Variants in PITPNM1 observed in about 807,000 individuals in gnomAD.
PITPNM1 encodes the protein membrane-associated phosphatidylinositol transfer protein 1.
PITPNM1 carries 74 observed loss-of-function variants against 133.3 expected under a neutral mutation model. The observed-to-expected ratio is 0.56, with a 90% confidence interval of 0.46 to 0.67. The LOEUF (loss-of-function observed/expected upper bound fraction) is 0.67. Ranked by LOEUF, PITPNM1 falls within the 30% of genes least tolerant of loss-of-function variation. The pLI is 0.00. For synonymous variants in PITPNM1, 738 were observed against 741.4 expected, an observed-to-expected ratio of 1.00 and a Z score of 0.08; for missense variants, 1,398 against 1,739.5, an observed-to-expected ratio of 0.80 and a Z score of 3.49.
chr11:67,501,313 G>A (rs534544246), intron 5 of PITPNM1, among the ~76,000 whole-genome samples: 3 of 152,346 alleles, frequency 2.0e-5, no homozygotes, highest in South Asian at 2.1e-4. Context: ...AAGCCAGGCC[G>A]CTGGTCTCTC....
At position 67,497,316 on chromosome 11, in the gene PITPNM1, G is replaced by A. The variant is rs1287867181; in HGVS notation, c.2061C>T (p.Asp687=). Residue 687 remains aspartate, a synonymous_variant, in exon 14 of 24, where the codon GAC becomes GAT. Transcript: ENST00000356404. ...AGAGGAAGAAGCCAGAGACCTTGAAGTCAAGGCGGGCAGTGCTGCTGGGGC... is the reference window on the plus strand; with the variant it reads ...AGAGGAAGAAGCCAGAGACCTTGAAATCAAGGCGGGCAGTGCTGCTGGGGC... ...PDGPSSTARL[D]FKVSGFFLFG... is the part of the protein sequence containing the mutation. 6.2e-7 allele frequency: 1 copy of A among 1,612,296 alleles called. No individual in the cohort carries two copies. The highest frequency in any genetic ancestry group is 8.5e-7 in the Non-Finnish European group (1 of 1,179,508).
chr11:67,493,485 G>A lies in PITPNM1; in HGVS notation c.3267C>T (p.Val1089=), dbSNP rs1866003817. 6.2e-7 allele frequency: 1 copy of A among 1,603,200 alleles called. No individual in the cohort carries two copies. The highest frequency in any genetic ancestry group is 8.5e-7 in the Non-Finnish European group (1 of 1,175,486). The change falls in exon 22 of 24, where the codon GTC becomes GTT. Residue 1089 remains valine, a synonymous_variant. Coordinates refer to ENST00000356404, the MANE Select transcript of PITPNM1 (RefSeq NM_004910.3). ...WLSQHNFPHG[V]VSFCDGLTHD... ...GGGTGAGGCCGTCGCAGAAGGAGAC[G>A]ACGCCGTGGGGGAAGTTGTGCTGCG...
Position 67,495,216 on chromosome 11 carries a change from C to T in PITPNM1, c.2492G>A (p.Arg831His), listed in dbSNP as rs201293394. Reference sequence around the variant, plus strand: ...GTCGATCCGCTTGGTCCCCCACCAGCGCTCCAGGACTGCGCGGCCATGGCA... The same window carrying T: ...GTCGATCCGCTTGGTCCCCCACCAGTGCTCCAGGACTGCGCGGCCATGGCA... ...TTSEVVKILERWWGTKRIDYS... is the reference protein window; with the variant it reads ...TTSEVVKILEHWWGTKRIDYS... Residue 831 changes from arginine (R) to histidine (H), a missense_variant, in exon 17 of 24, where the codon CGC (arginine) becomes CAC (histidine). Arg to His is a conservative substitution (Grantham distance 29, BLOSUM62 0). Around this residue, in one of 5 missense-constraint regions of PITPNM1, gnomAD observed 574 missense variants for 698.7 expected, o/e 0.82. Transcript: ENST00000356404. The T allele has an allele frequency of 5.0e-6, 8 of 1,590,702 alleles. No individual in the cohort carries two copies. The South Asian group carries it at 5.5e-5, about 11-fold the overall frequency.
intron 5 of PITPNM1, among the ~76,000 whole-genome samples, chr11:67,500,702 T>C (rs1283764533): frequency 6.6e-6 from 1 of 152,256 alleles, no homozygotes; most frequent in Non-Finnish European, 1.5e-5. Flanking sequence ...GACCAATGCT[T>C]GTTCTTGCTT....
intron 22 of PITPNM1, 111 bp from the exon 23 acceptor site, chr11:67,493,173 G>A (rs1393681944): frequency 7.5e-7 from 1 of 1,337,142 alleles, no homozygotes; most frequent in East Asian, 2.3e-5. Flanking sequence ...GCAGACGGAG[G>A]CGAAGACAGG....
rs1443714610 is a variant in PITPNM1, at chr11:67,497,521, C to T, written c.1940+1G>A. 6.2e-7 allele frequency: 1 copy of T among 1,606,766 alleles called. No homozygotes were observed. The highest frequency in any genetic ancestry group is 8.5e-7 in the Non-Finnish European group (1 of 1,177,578). ...TAGGGGTGATGGGGCAGGGACGTCA[C>T]CTGTTCTGAGAGCCCTCGGGCTCAG... On this transcript the variant is annotated splice_donor_variant, in intron 13 of 23. Transcript: ENST00000356404. LOFTEE classifies it high-confidence loss of function.
rs1158279204 is a variant in PITPNM1 at position 67,497,280 on chromosome 11, T to G, written c.2097A>C (p.Pro699=). The change falls in exon 14 of 24, where the codon CCA becomes CCC. Residue 699 remains proline, a synonymous_variant. Transcript: ENST00000356404. ...TGCGCAGAGCCAGCACCAGGCCCAGTGGGGAGCCGAAGAGGAAGAAGCCAG... is the reference window on the plus strand; with the variant it reads ...TGCGCAGAGCCAGCACCAGGCCCAGGGGGGAGCCGAAGAGGAAGAAGCCAG... The part of the protein sequence containing the change: ...KVSGFFLFGS[P]LGLVLALRKT... 6.2e-7 allele frequency: 1 copy of G among 1,612,188 alleles called. No individual in the cohort carries two copies. Among genetic ancestry groups the G allele is most frequent in the Non-Finnish European group, 8.5e-7 (1 of 1,179,598 alleles).
chr11:67,492,844 T>C, intron 23 of PITPNM1, 90 bp downstream of exon 23: 1 of 1,485,376 alleles, frequency 6.7e-7, no homozygotes, highest in Non-Finnish European at 9.1e-7. Context: ...CCTTCTCACA[T>C]CTTCCCCAGA....
chr11:67,491,851 C>T lies in PITPNM1; in HGVS notation c.*182G>A, dbSNP rs1019911600. On this transcript the variant is annotated 3_prime_UTR_variant, in exon 24 of 24. Transcript: ENST00000356404. ...CCATGCCCACGCCCTCCTCCCTCCC[C>T]CCGGCGCTGGGTCCCCTCATATGAA... 1 of 665,662 alleles carries T rather than the reference C, an allele frequency of 1.5e-6. No homozygotes were observed. The highest frequency in any genetic ancestry group is 2.5e-6 in the Non-Finnish European group (1 of 400,538). The allele number at this position is 665,662 out of a possible 1,614,324, so 41.2% of individuals were successfully genotyped here.
Position 67,502,806 on chromosome 11 carries a change from T to G in PITPNM1, c.79-88A>C. 7.6e-7 allele frequency: 1 copy of G among 1,320,342 alleles called. No individual in the cohort carries two copies. The highest frequency in any genetic ancestry group is 1.1e-6 in the Non-Finnish European group (1 of 938,448). 81.8% of individuals were successfully genotyped at this position (1,320,342 alleles called of 1,614,324 possible). A position where few individuals can be genotyped will look rare whatever the true frequency, so the allele number is the denominator to read the frequency against. On this transcript the variant is annotated intron_variant, in intron 2 of 23. Coordinates refer to ENST00000356404, the MANE Select transcript of PITPNM1 (RefSeq NM_004910.3). This position sits in a 1 kb window ranked among gnomAD's most constrained non-coding sequence, Gnocchi z 5.9. ...CTCAGCCTGGTGTTCTACACAGCTCTGGGGCCCTGGTCCCAGCCTTTTCAA... is the reference window on the plus strand; with the variant it reads ...CTCAGCCTGGTGTTCTACACAGCTCGGGGGCCCTGGTCCCAGCCTTTTCAA...
At position 67,491,889 on chromosome 11, in the gene PITPNM1, C is replaced by T; in HGVS notation, c.*144G>A. On this transcript the variant is annotated 3_prime_UTR_variant, in exon 24 of 24. Transcript: ENST00000356404. Reference sequence around the variant, plus strand: ...CCCCTCATATGAAAGGGAAGTAACACCGAGGAGCACACGGAGATATAGGGT... The same window carrying T: ...CCCCTCATATGAAAGGGAAGTAACATCGAGGAGCACACGGAGATATAGGGT... 1 of 913,042 alleles carries T rather than the reference C, an allele frequency of 1.1e-6. No individual in the cohort carries two copies. Among genetic ancestry groups the T allele is most frequent in the South Asian group, 1.7e-5 (1 of 58,684 alleles). The allele number at this position is 913,042 out of a possible 1,614,324, so 56.6% of individuals were successfully genotyped here.
At position 67,500,759 on chromosome 11, in the gene PITPNM1, G is replaced by A. The variant is rs931698528; in HGVS notation, c.641-338C>T. Among the ~76,000 whole-genome samples the A allele has an allele frequency of 4.6e-5, 7 of 152,306 alleles. No individual in the cohort carries two copies. The South Asian group carries it at 6.2e-4, about 14-fold the overall frequency. On this transcript the variant is annotated intron_variant, in intron 5 of 23. Coordinates refer to ENST00000356404, the MANE Select transcript of PITPNM1 (RefSeq NM_004910.3). ...TCTGAGGAATTAACAGTTAATTAAG[G>A]GTTTAACAGTTAATGAAATTGTTGA...
rs1231768418 is a variant in PITPNM1, at chr11:67,501,884, G to A, written c.618C>T (p.Ile206=). 4.3e-6 allele frequency: 7 copies of A among 1,613,648 alleles called. No individual in the cohort carries two copies. In the South Asian group the frequency reaches 6.6e-5, roughly 15 times the overall value. Residue 206 remains isoleucine, a synonymous_variant, in exon 5 of 24, where the codon ATC becomes ATT. Coordinates refer to ENST00000356404, the MANE Select transcript of PITPNM1 (RefSeq NM_004910.3). ...EFRYWGMQAK[I]EQFIHDVGLR... Reference sequence around the variant, plus strand: ...CACCTACATCATGGATGAACTGCTCGATCTTGGCTTGCATGCCCCAGTAGC... The same window carrying A: ...CACCTACATCATGGATGAACTGCTCAATCTTGGCTTGCATGCCCCAGTAGC...
Position 67,498,078 on chromosome 11 carries a change from A to G in PITPNM1, c.1675-54T>C. Reference sequence around the variant, plus strand: ...GAGGCCTTGTCCTCACCCAGGCCAGACTACAGTGGGGGCTGCAGTGGAGGG... The same window carrying G: ...GAGGCCTTGTCCTCACCCAGGCCAGGCTACAGTGGGGGCTGCAGTGGAGGG... On this transcript the variant is annotated intron_variant, in intron 11 of 23. Coordinates refer to ENST00000356404, the MANE Select transcript of PITPNM1 (RefSeq NM_004910.3). The surrounding 1 kb of genome is among the most constrained non-coding windows in gnomAD (Gnocchi z 5.7). 6.2e-7 allele frequency: 1 copy of G among 1,609,218 alleles called. No individual in the cohort carries two copies. The highest frequency in any genetic ancestry group is 8.5e-7 in the Non-Finnish European group (1 of 1,179,094).
chr11:67,498,540 C>T lies in PITPNM1; in HGVS notation c.1484+56G>A. On this transcript the variant is annotated intron_variant, in intron 10 of 23. Coordinates refer to ENST00000356404, the MANE Select transcript of PITPNM1 (RefSeq NM_004910.3). The surrounding 1 kb of genome is among the most constrained non-coding windows in gnomAD (Gnocchi z 5.7). ...TTCCTGACCCCTTCCCCGCTCCCTG[C>T]CCCGCTCCCTGGCCTGATCCTACGA... The T allele has an allele frequency of 1.3e-6, 2 of 1,568,934 alleles. No homozygotes were observed. Among genetic ancestry groups the T allele is most frequent in the East Asian group, 2.2e-5 (1 of 44,452 alleles).
Position 67,498,488 on chromosome 11 carries a change from T to A in PITPNM1, c.1484+108A>T, listed in dbSNP as rs547575410. 1.3e-6 allele frequency: 2 copies of A among 1,497,174 alleles called. No homozygotes were observed. The highest frequency in any genetic ancestry group is 1.8e-6 in the Non-Finnish European group (2 of 1,111,586). The allele number at this position is 1,497,174 out of a possible 1,614,324, so 92.7% of individuals were successfully genotyped here. A position where few individuals can be genotyped will look rare whatever the true frequency, so the allele number is the denominator to read the frequency against. ...CCATTCTCCAGAACAGGTCCAGCCA[T>A]GCCAGTGACCGACCCAGGTGTCTGG... On this transcript the variant is annotated intron_variant, in intron 10 of 23. Transcript: ENST00000356404. The surrounding 1 kb of genome is among the most constrained non-coding windows in gnomAD (Gnocchi z 5.7).
At chr11:67,496,537 T>C in intron 14 of PITPNM1, 189 bp from the exon 15 acceptor site, 1 of 537,720 alleles carries the variant, frequency 1.9e-6, no homozygotes, top group Non-Finnish European at 3.2e-6. Context: ...CCGTGGCTCA[T>C]GCCTGGAATC....
rs1354380618 is a variant in PITPNM1 at position 67,494,742 on chromosome 11, G to A, written c.2742+104C>T. The A allele has an allele frequency of 5.5e-6, 4 of 722,912 alleles. No individual in the cohort carries two copies. In the Admixed American group the frequency reaches 6.3e-5, roughly 11 times the overall value. The allele number at this position is 722,912 out of a possible 1,614,324, so 44.8% of individuals were successfully genotyped here. ...GGCAGGACTGGGAGAGAGTTGGATC[G>A]GCTAGGACCCGAGGAGGGGGGTGCT... On this transcript the variant is annotated intron_variant, in intron 18 of 23. Coordinates refer to ENST00000356404, the MANE Select transcript of PITPNM1 (RefSeq NM_004910.3).
Position 67,496,086 on chromosome 11 carries a change from A to C in PITPNM1, c.2317+92T>G, listed in dbSNP as rs909663976. The C allele has an allele frequency of 4.9e-6, 6 of 1,236,342 alleles. No homozygotes were observed. In the African/African-American group the frequency reaches 9.5e-5, roughly 20 times the overall value. The allele number at this position is 1,236,342 out of a possible 1,614,324, so 76.6% of individuals were successfully genotyped here. ...GGAGTGGTGGCCTGAGAGGTTTTCC[A>C]TCGTCTGGGAGCCTCCTCATGTCTT... On this transcript the variant is annotated intron_variant, in intron 15 of 23. Coordinates refer to ENST00000356404, the MANE Select transcript of PITPNM1 (RefSeq NM_004910.3).
Sources: allele counts gnomAD v4.1 joint callset (sites outside exome capture counted in the v4.1 genomes callset), GRCh38; gene constraint gnomAD v4.1.1; regional missense constraint gnomAD v4.1.1; non-coding constraint Gnocchi (gnomAD v3.1); transcripts MANE v1.5; gene names NCBI Gene and HGNC (gene_info 2026-07-23, HGNC 2026-07-21).